The following IGF2R variants were observed in gnomAD, a reference collection of about 807,000 sequenced individuals.
IGF2R encodes insulin like growth factor 2 receptor.
Under a neutral mutation model 270.6 loss-of-function variants are expected in IGF2R, and 91 were observed. The ratio of observed to expected loss-of-function variants is 0.34; its 90% confidence interval spans 0.28 to 0.40. The LOEUF (loss-of-function observed/expected upper bound fraction) is 0.40. IGF2R is among the 10% of genes least tolerant of loss of function. IGF2R has a pLI of 1.00. For synonymous variants in IGF2R, 1,316 were observed against 1,258.9 expected (o/e 1.05, Z -0.96); for missense variants, 2,805 against 3,188.3 (o/e 0.88, Z 2.90).
intron 1 of IGF2R, among the ~76,000 whole-genome samples, chr6:159,986,976 G>C (rs1339778264): frequency 1.3e-5 from 2 of 152,090 alleles, no homozygotes; most frequent in Non-Finnish European, 2.9e-5. Context: ...ATTCCTCAAA[G>C]ATATCATTAC....
chr6:160,048,951 A>G (rs565269221), intron 18 of IGF2R, among the ~76,000 whole-genome samples: 1 of 152,314 alleles, frequency 6.6e-6, no homozygotes, highest in South Asian at 2.1e-4. Context: ...ACCAGATTCA[A>G]GCACACGCTC....
intron 2 of IGF2R, among the ~76,000 whole-genome samples, chr6:159,992,631 AACAC>A (rs1783997099): frequency 7.1e-6 from 1 of 141,812 alleles, no homozygotes; most frequent in Admixed American, 6.9e-5. Context: ...CACACACACA[AACAC>A]ACACCACATT....
chr6:159,980,208 A>AAAGG (rs1562330505), intron 1 of IGF2R, among the ~76,000 whole-genome samples: 33 of 90,618 alleles, frequency 3.6e-4, no homozygotes, highest in African/African-American at 1.2e-3. Flanking sequence ...AGAAAGAAAG[A>AAAGG]AAGAAAGAAA....
Position 160,090,067 on chromosome 6 carries a change from G to T in IGF2R, c.6619G>T (p.Val2207Phe). 1 of 1,580,892 alleles carries T rather than the reference G, an allele frequency of 6.3e-7. No individual in the cohort carries two copies. The highest frequency in any genetic ancestry group is 8.6e-7 in the Non-Finnish European group (1 of 1,163,202). Residue 2207 changes from valine (V) to phenylalanine (F), a missense_variant, in exon 44 of 48, where the codon GTT becomes TTT. Val to Phe is a conservative substitution (Grantham distance 50). Transcript: ENST00000356956. The stretch of plus-strand genomic sequence containing the variant: ...CAACGATCAGCACTTCAGTCGGAAA[G>T]TTGGAACCTCTGACAAGACCAAGTA... The part of the protein sequence containing the change: ...KPNDQHFSRK[V>F]GTSDKTKYYL...
chr6:160,082,770 G>A (rs1779013940), intron 39 of IGF2R, among the ~76,000 whole-genome samples: 1 of 152,238 alleles, frequency 6.6e-6, no homozygotes, highest in Admixed American at 6.5e-5. Flanking sequence ...GAATCAACAT[G>A]AGATGTGGCC....
intron 11 of IGF2R, among the ~76,000 whole-genome samples, chr6:160,041,824 G>A (rs1777953415): frequency 6.6e-6 from 1 of 152,206 alleles, no homozygotes; most frequent in Non-Finnish European, 1.5e-5. Flanking sequence ...GCACATGTGT[G>A]CTAGTGAAGA....
intron 2 of IGF2R, among the ~76,000 whole-genome samples, chr6:159,997,361 A>T (rs1325042584): frequency 6.6e-6 from 1 of 152,188 alleles, no homozygotes; most frequent in African/African-American, 2.4e-5. Flanking sequence ...ATACGGAGAC[A>T]TCAGTGCTGA....
chr6:160,075,877 C>T lies in IGF2R; in HGVS notation c.5197C>T (p.Leu1733Phe). The T allele has an allele frequency of 6.2e-7, 1 of 1,614,202 alleles. No individual in the cohort carries two copies. Among genetic ancestry groups the T allele is most frequent in the Non-Finnish European group, 8.5e-7 (1 of 1,180,012 alleles). ...CGGCCGGGTAGCAGGACCACCAATA[C>T]TCAATCCAATAGCAAATGAGATTTA... Reference protein sequence around the residue: ...DIGRVAGPPILNPIANEIYLN... With the variant: ...DIGRVAGPPIFNPIANEIYLN... The change falls in exon 36 of 48, where the codon CTC becomes TTC. Residue 1733 changes from leucine (L) to phenylalanine (F), a missense_variant. Physicochemically the swap from Leu to Phe is conservative, Grantham distance 22. This residue lies in a region of IGF2R where 1,851 missense variants were observed against 2,207.2 expected (regional missense o/e 0.84). Transcript: ENST00000356956.
At chr6:160,058,783 G>A in intron 21 of IGF2R, 123 bp from the exon 22 acceptor site, 1 of 829,960 alleles carries the variant, frequency 1.2e-6, no homozygotes, top group Non-Finnish European at 1.9e-6. Flanking sequence ...GTGGAAAGTT[G>A]GCAAGTTAAC....
chr6:160,104,014 G>T (rs1026835645), intron 47 of IGF2R, among the ~76,000 whole-genome samples, 199 bp downstream of exon 47: 6 of 151,832 alleles, frequency 4.0e-5, no homozygotes, highest in Admixed American at 6.6e-5. Context: ...TTTCTCTCGT[G>T]GTTACAACTG....
chr6:160,073,284 C>G lies in IGF2R; in HGVS notation c.4762C>G (p.Leu1588Val). ...NKRLRYVDQV[L>V]QLVYKDGSPC... ...GAGGCTGAGATACGTGGACCAGGTCCTGCAGCTGGTGTACAAGGATGGGTC... is the reference window on the plus strand; with the variant it reads ...GAGGCTGAGATACGTGGACCAGGTCGTGCAGCTGGTGTACAAGGATGGGTC... The change falls in exon 34 of 48, where the codon CTG (leucine) becomes GTG (valine). Residue 1588 changes from leucine to valine, a missense_variant. Transcript: ENST00000356956. The G allele has an allele frequency of 6.2e-7, 1 of 1,614,282 alleles. No individual in the cohort carries two copies. The highest frequency in any genetic ancestry group is 8.5e-7 in the Non-Finnish European group (1 of 1,180,048).
rs757484291 is a variant in IGF2R, at chr6:160,087,990, A to G, written c.6206-43A>G. The G allele has an allele frequency of 3.1e-6, 4 of 1,303,716 alleles. No homozygotes were observed. In the South Asian group the frequency reaches 4.7e-5, roughly 15 times the overall value. 80.8% of individuals were successfully genotyped at this position (1,303,716 alleles called of 1,614,324 possible). A position where few individuals can be genotyped will look rare whatever the true frequency, so the allele number is the denominator to read the frequency against. Reference sequence around the variant, plus strand: ...CTGCGCCTGCCTGAGGCTTTTTATAATGCACTAGAAATAATGTCAGTTCAA... The same window carrying G: ...CTGCGCCTGCCTGAGGCTTTTTATAGTGCACTAGAAATAATGTCAGTTCAA... On this transcript the variant is annotated intron_variant, in intron 41 of 47. Coordinates refer to ENST00000356956, the MANE Select transcript of IGF2R (RefSeq NM_000876.4).
chr6:160,059,147 T>C (rs772615685), intron 22 of IGF2R, 49 bp downstream of exon 22: 3 of 1,527,040 alleles, frequency 2.0e-6, no homozygotes, highest in Non-Finnish European at 2.7e-6. Flanking sequence ...CCCTGGTGGC[T>C]CTGTGGCTGG....
At chr6:160,086,408 G>A (rs1244453207) in intron 41 of IGF2R, among the ~76,000 whole-genome samples, 1 of 152,134 alleles carries the variant, frequency 6.6e-6, no homozygotes, top group Non-Finnish European at 1.5e-5. Flanking sequence ...CTTAGGGAAT[G>A]GACCCCTGTT....
chr6:160,059,131 A>G, intron 22 of IGF2R, 33 bp downstream of exon 22: 1 of 1,591,916 alleles, frequency 6.3e-7, no homozygotes, highest in Non-Finnish European at 8.6e-7. Context: ...TTGTAGCTAA[A>G]AAGGGCCCTG....
intron 1 of IGF2R, among the ~76,000 whole-genome samples, chr6:159,987,499 C>T (rs1783905936): frequency 6.6e-6 from 1 of 152,224 alleles, no homozygotes; most frequent in Non-Finnish European, 1.5e-5. Context: ...TCAAGCGATA[C>T]TCCTGCCTCA....
intron 45 of IGF2R, among the ~76,000 whole-genome samples, chr6:160,099,316 T>A (rs187817104): frequency 1.5e-3 from 233 of 151,870 alleles, no homozygotes; most frequent in Middle Eastern, 6.8e-3. Flanking sequence ...ATGAAACCAG[T>A]TTTTTTTCCT....
At chr6:160,054,177 C>A (rs536668838) in intron 19 of IGF2R, among the ~76,000 whole-genome samples, 4 of 152,136 alleles carry the variant, frequency 2.6e-5, no homozygotes, top group Non-Finnish European at 5.9e-5. Flanking sequence ...GACTAAGACA[C>A]GAATGGATGC....
intron 19 of IGF2R, among the ~76,000 whole-genome samples, chr6:160,053,930 C>G (rs1489760325): frequency 6.6e-6 from 1 of 152,126 alleles, no homozygotes; most frequent in Non-Finnish European, 1.5e-5. Flanking sequence ...GTGGCCCAAG[C>G]TGGTCTTAGA....
Sources: gnomAD v4.1 joint callset for allele counts (sites outside exome capture counted in the v4.1 genomes callset) on GRCh38, gnomAD v4.1.1 for gene constraint, gnomAD v4.1.1 regional missense constraint, MANE v1.5 for transcripts, NCBI Gene and HGNC (gene_info 2026-07-23, HGNC 2026-07-21) for gene names.